The following NAAA variants were observed in gnomAD, a reference collection of about 807,000 sequenced individuals.
NAAA encodes the protein N-acylethanolamine acid amidase, also known as N-acylethanolamine-hydrolyzing acid amidase.
NAAA carries 39 observed loss-of-function variants against 44.8 expected under a neutral mutation model. The ratio of observed to expected loss-of-function variants is 0.87; its 90% CI spans 0.67 to 1.14. The LOEUF (loss-of-function observed/expected upper bound fraction) is 1.14. NAAA is among the 50% of genes most tolerant of loss of function. The pLI is 0.00. For synonymous variants in NAAA, 178 were observed against 191.3 expected, an observed-to-expected ratio of 0.93 and a Z score of 0.58; for missense variants, 460 against 467.8, an observed-to-expected ratio of 0.98 and a Z score of 0.15.
In NAAA at chr4:75,920,754, TG is replaced by T; in HGVS notation, c.885del (p.Lys296ArgfsTer45). ...GCAGCCTACCTCCGGTCATCTTCCT[TG>T]GGTGCTGGCTTCCAGTGGTCGTAAT... The part of the protein sequence containing the change: ...ETNYDHWKPA[P>X]KEDDRRTSAI... On this transcript the variant is annotated frameshift_variant, in exon 7 of 11. Coordinates refer to ENST00000286733, the MANE Select transcript of NAAA (RefSeq NM_014435.4). LOFTEE classifies it high-confidence loss of function. 1 of 1,614,220 alleles carries T rather than the reference TG, an allele frequency of 6.2e-7. No individual in the cohort carries two copies. Among genetic ancestry groups the T allele is most frequent in the Non-Finnish European group, 8.5e-7 (1 of 1,180,028 alleles).
intron 4 of NAAA, among the ~76,000 whole-genome samples, chr4:75,930,773 C>T (rs1727158237): frequency 6.6e-6 from 1 of 152,224 alleles, no homozygotes; most frequent in Non-Finnish European, 1.5e-5. Flanking sequence ...CTCTTCTTCA[C>T]TTCTAATGTC....
chr4:75,935,258 T>C (rs1279137865), intron 3 of NAAA: 1 of 152,194 alleles, frequency 6.6e-6, no homozygotes, highest in Non-Finnish European at 1.5e-5. Context: ...AGTAAATGAG[T>C]TTTTAGTATT....
intron 4 of NAAA, among the ~76,000 whole-genome samples, chr4:75,927,961 C>T (rs1203020788): frequency 6.6e-6 from 1 of 152,150 alleles, no homozygotes; most frequent in Non-Finnish European, 1.5e-5. Context: ...ATCACATGTG[C>T]TCCCAAAATA....
chr4:75,915,963 G>C (rs898033555), intron 9 of NAAA, among the ~76,000 whole-genome samples: 21 of 152,206 alleles, frequency 1.4e-4, no homozygotes, highest in African/African-American at 4.8e-4. Flanking sequence ...GTAGCACTGG[G>C]TCCACAGCTA....
intron 5 of NAAA, among the ~76,000 whole-genome samples, chr4:75,923,660 C>A (rs1224204260): frequency 6.6e-6 from 1 of 151,688 alleles, no homozygotes; most frequent in Non-Finnish European, 1.5e-5. Flanking sequence ...CTGCCTCAGC[C>A]ACCCAAGGGG....
chr4:75,928,975 G>A (rs1726994198), intron 4 of NAAA, among the ~76,000 whole-genome samples: 1 of 141,996 alleles, frequency 7.0e-6, no homozygotes, highest in South Asian at 2.2e-4. Flanking sequence ...TTTTTTTTTA[G>A]TAGAGACGGG....
downstream of NAAA, among the ~76,000 whole-genome samples, chr4:75,911,996 C>T (rs1725345286): frequency 6.6e-6 from 1 of 152,202 alleles, no homozygotes; most frequent in African/African-American, 2.4e-5. Flanking sequence ...CGAGCAAGGA[C>T]AGCCAGCCTG....
chr4:75,930,579 G>C (rs1727140874), intron 4 of NAAA: 1 of 464,732 alleles, frequency 2.2e-6, no homozygotes, highest in African/African-American at 2.0e-5. Flanking sequence ...GATTATCACA[G>C]TAGTTTCCAA....
chr4:75,940,679 C>G, intron 1 of NAAA, 65 bp downstream of exon 1: 2 of 1,504,554 alleles, frequency 1.3e-6, no homozygotes. Context: ...CTCTGAGCAG[C>G]GCGCGTTTGA....
Position 75,940,846 on chromosome 4 carries a change from C to T in NAAA, c.104G>A (p.Arg35His). ...GACCGAGTCCAGGCTCACGTTGAAG[C>T]GCGGCGCTGCTGGGGGCGAGGCGGC... is the stretch of plus-strand genomic sequence containing the variant. ...LSAASPPAAP[R>H]FNVSLDSVPE... Residue 35 changes from arginine to histidine, a missense_variant, in exon 1 of 11, where the codon CGC (arginine) becomes CAC (histidine). Arg to His is a conservative substitution (Grantham distance 29). Transcript: ENST00000286733. The T allele has an allele frequency of 1.9e-6, 3 of 1,588,362 alleles. No homozygotes were observed. The highest frequency in any genetic ancestry group is 1.7e-4 in the Middle Eastern group (1 of 5,936).
chr4:75,919,008 G>A (rs1031054426), intron 8 of NAAA, among the ~76,000 whole-genome samples: 6 of 151,354 alleles, frequency 4.0e-5, no homozygotes, highest in Non-Finnish European at 7.4e-5. Context: ...AATGTCTGTA[G>A]AAAGAACATA....
At chr4:75,920,264 G>T (rs1055727577) in intron 7 of NAAA, among the ~76,000 whole-genome samples, 1 of 152,200 alleles carries the variant, frequency 6.6e-6, no homozygotes, top group South Asian at 2.1e-4. Flanking sequence ...CCAAGGCAAC[G>T]TATATAGCTA....
intron 8 of NAAA, 51 bp from the exon 9 acceptor site, chr4:75,918,840 A>G: frequency 6.5e-7 from 1 of 1,542,500 alleles, no homozygotes; most frequent in Non-Finnish European, 9.0e-7. Context: ...TAGAAGAAAT[A>G]CACATAGAAT....
rs769959756 is a variant in NAAA, at chr4:75,925,740, G to A, written c.661C>T (p.Arg221Cys). ...TCCACATTAAATATACTCACAGCGC[G>A]GATCAGCCAGCTGACGGGAATGTGT... is the stretch of plus-strand genomic sequence containing the variant. ...RRHIPVSWLI[R>C]ATLSESENFE... The change falls in exon 5 of 11, where the codon CGC (arginine) becomes TGC (cysteine). Residue 221 changes from arginine to cysteine, a missense_variant. Transcript: ENST00000286733. 10 of 1,613,970 alleles carry A rather than the reference G, an allele frequency of 6.2e-6. No homozygotes were observed. In the African/African-American group the frequency reaches 8.0e-5, roughly 13 times the overall value.
intron 2 of NAAA, among the ~76,000 whole-genome samples, chr4:75,938,410 G>GT (rs1727919411): frequency 6.6e-6 from 1 of 152,222 alleles, no homozygotes; most frequent in South Asian, 2.1e-4. Flanking sequence ...TGAGAAAGCT[G>GT]TAAGTTAAAA....
At chr4:75,929,232 T>C (rs931282517) in intron 4 of NAAA, among the ~76,000 whole-genome samples, 1 of 152,222 alleles carries the variant, frequency 6.6e-6, no homozygotes, top group South Asian at 2.1e-4. Flanking sequence ...GGTGTTTTGT[T>C]AAGCCTCCCC....
chr4:75,937,258 A>G (rs1727813771), intron 2 of NAAA, among the ~76,000 whole-genome samples: 2 of 152,096 alleles, frequency 1.3e-5, no homozygotes. Flanking sequence ...ATCTCTACTA[A>G]AAATACAAAA....
chr4:75,940,310 G>T, intron 1 of NAAA, 145 bp from the exon 2 acceptor site: 2 of 799,130 alleles, frequency 2.5e-6, no homozygotes, highest in Non-Finnish European at 3.7e-6. Context: ...CAGGCGCGGC[G>T]TCACTCAATC....
chr4:75,911,500 G>A, downstream of NAAA: 1 of 429,994 alleles, frequency 2.3e-6, no homozygotes, highest in Non-Finnish European at 4.7e-6. Flanking sequence ...ATAATTTGGT[G>A]AGCTGGGGGC....
Sources: gnomAD v4.1 joint callset for allele counts (sites outside exome capture counted in the v4.1 genomes callset) on GRCh38, gnomAD v4.1.1 for gene constraint, MANE v1.5 for transcripts, NCBI Gene and HGNC (gene_info 2026-07-23, HGNC 2026-07-21) for gene names.